ERGIC2: variants seen among roughly 807,000 people sequenced by gnomAD.
ERGIC2 encodes endoplasmic reticulum-Golgi intermediate compartment protein 2.
ERGIC2 carries 31 observed loss-of-function variants against 52.5 expected under a neutral mutation model. The ratio of observed to expected loss-of-function variants is 0.59; its 90% CI spans 0.44 to 0.80. The LOEUF (loss-of-function observed/expected upper bound fraction) is 0.80. Among genes scored for constraint, ERGIC2 ranks in the 30% least tolerant of loss-of-function variants. The pLI is 0.00. For synonymous variants in ERGIC2, 129 were observed against 140.6 expected (o/e 0.92, Z 0.58); for missense variants, 395 against 455.2 (o/e 0.87, Z 1.20).
intron 12 of ERGIC2, 66 bp downstream of exon 12, chr12:29,343,054 G>C: frequency 7.3e-7 from 1 of 1,367,814 alleles, no homozygotes; most frequent in Non-Finnish European, 9.9e-7. Flanking sequence ...TTGCCCCTTT[G>C]AGAAGAAGCA....
intron 8 of ERGIC2, 77 bp downstream of exon 8, chr12:29,356,305 G>A (rs1807450981): frequency 7.0e-6 from 6 of 858,322 alleles, no homozygotes; most frequent in South Asian, 1.4e-5. Context: ...TTACAGGCGC[G>A]AGCCATCGGC....
chr12:29,365,173 C>A (rs1940342136), intron 5 of ERGIC2, among the ~76,000 whole-genome samples: 1 of 152,048 alleles, frequency 6.6e-6, no homozygotes, highest in Non-Finnish European at 1.5e-5. Flanking sequence ...TATTGCAGCA[C>A]CATTCACAAT....
intron 3 of ERGIC2, among the ~76,000 whole-genome samples, chr12:29,369,465 C>G (rs7308372): frequency 0.14 from 21,719 of 151,782 alleles, 1,595 homozygotes; most frequent in Middle Eastern, 0.24. Flanking sequence ...GCTGTCTGTA[C>G]TTTACAAAAA....
chr12:29,366,231 A>C (rs7953619), intron 5 of ERGIC2, among the ~76,000 whole-genome samples: 65,220 of 151,788 alleles, frequency 0.43, 17,416 homozygotes, highest in African/African-American at 0.76. Context: ...TCGAAAGCTT[A>C]TTTAGGGCTA....
At chr12:29,350,434 C>T (rs143775713) in intron 8 of ERGIC2, among the ~76,000 whole-genome samples, 193 of 152,084 alleles carry the variant, frequency 1.3e-3, no homozygotes, top group Non-Finnish European at 2.5e-3. Flanking sequence ...AGGGAGATTA[C>T]ACTTTGTTTA....
At chr12:29,361,801 G>A (rs1433789136) in intron 5 of ERGIC2, 116 bp from the exon 6 acceptor site, 22 of 658,984 alleles carry the variant, frequency 3.3e-5, no homozygotes, top group Middle Eastern at 3.4e-4. Flanking sequence ...TTAAAAACAA[G>A]TATTCATGGT....
rs977348823 is a variant in ERGIC2 at position 29,350,029 on chromosome 12, T to G, written c.612A>C (p.Ala204=). The G allele has an allele frequency of 6.2e-7, 1 of 1,607,058 alleles. No homozygotes were observed. Among genetic ancestry groups the G allele is most frequent in the Non-Finnish European group, 8.5e-7 (1 of 1,174,692 alleles). ...PHPRGHAHLA[A]LVNHESYNFS... ...TCTGCTTACATTCATGGTTGACAAG[T>G]GCTGCCAAATGTGCATGACCACGAG... Residue 204 remains alanine (A), a synonymous_variant, in exon 9 of 14, where the codon GCA becomes GCC. Coordinates refer to ENST00000360150, the MANE Select transcript of ERGIC2 (RefSeq NM_016570.3).
At chr12:29,380,750 G>A (rs1204366882) in intron 1 of ERGIC2, 1 of 152,358 alleles carries the variant, frequency 6.6e-6, no homozygotes, top group Non-Finnish European at 1.5e-5. Flanking sequence ...ACTGGGACTC[G>A]ACCGATTGGG....
chr12:29,371,710 A>G, intron 1 of ERGIC2, 40 bp from the exon 2 acceptor site: 2 of 903,246 alleles, frequency 2.2e-6, no homozygotes, highest in Non-Finnish European at 1.7e-6. Context: ...GAATCCTTTA[A>G]AGAGATAAAA....
chr12:29,345,177 C>G (rs1940028368), intron 11 of ERGIC2, among the ~76,000 whole-genome samples: 1 of 152,266 alleles, frequency 6.6e-6, no homozygotes, highest in Non-Finnish European at 1.5e-5. Flanking sequence ...TTAAGGCCAT[C>G]ACAATTTAAC....
chr12:29,378,894 T>C (rs16934213), intron 1 of ERGIC2, among the ~76,000 whole-genome samples: 8,901 of 152,238 alleles, frequency 0.058, 826 homozygotes, highest in African/African-American at 0.2. Flanking sequence ...ACATAATGGC[T>C]ACCTCACAGT....
chr12:29,349,703 C>T (rs1441987176), intron 9 of ERGIC2, among the ~76,000 whole-genome samples: 1 of 151,968 alleles, frequency 6.6e-6, no homozygotes, highest in Non-Finnish European at 1.5e-5. Flanking sequence ...TTATACATGT[C>T]TATACATCCA....
intron 8 of ERGIC2, among the ~76,000 whole-genome samples, chr12:29,350,797 A>C (rs1455010609): frequency 6.6e-6 from 1 of 152,100 alleles, no homozygotes; most frequent in Non-Finnish European, 1.5e-5. Context: ...AATATATTCA[A>C]GTATGAGAAT....
intron 4 of ERGIC2, 115 bp from the exon 5 acceptor site, chr12:29,367,062 A>C (rs2136874302): frequency 2.0e-6 from 1 of 495,196 alleles, no homozygotes; most frequent in East Asian, 3.4e-5. Flanking sequence ...AAAAAAAAAA[A>C]ACCTCACCAA....
At position 29,341,775 on chromosome 12, in the gene ERGIC2, AAATT is replaced by A. The variant is rs1278647200; in HGVS notation, c.1026_1029del (p.Ile343AlafsTer29). 1.2e-6 allele frequency: 2 copies of A among 1,602,484 alleles called. No individual in the cohort carries two copies. Among genetic ancestry groups the A allele is most frequent in the Non-Finnish European group, 1.7e-6 (2 of 1,169,478 alleles). On this transcript the variant is annotated frameshift_variant, in exon 13 of 14. Coordinates refer to ENST00000360150, the MANE Select transcript of ERGIC2 (RefSeq NM_016570.3). LOFTEE classifies it high-confidence loss of function. Reference sequence around the variant, plus strand: ...TAGGATCCAAGTCTGAAACGACAGCAAATTATTTCAACTATAAATTTTCCAATTC... The same window carrying A: ...TAGGATCCAAGTCTGAAACGACAGCAATTTCAACTATAAATTTTCCAATTC...
intron 5 of ERGIC2, among the ~76,000 whole-genome samples, chr12:29,363,777 A>G (rs1447607889): frequency 6.6e-6 from 1 of 151,718 alleles, no homozygotes; most frequent in African/African-American, 2.4e-5. Context: ...AAATCCAGCT[A>G]GAAAGATAAG....
chr12:29,375,903 C>T (rs1940508249), intron 1 of ERGIC2, among the ~76,000 whole-genome samples: 1 of 152,172 alleles, frequency 6.6e-6, no homozygotes, highest in South Asian at 2.1e-4. Context: ...ATTTTGCATA[C>T]TTGCCAACCT....
Position 29,381,138 on chromosome 12 carries a change from C to T in ERGIC2, c.-61G>A, listed in dbSNP as rs1454582620. ...ACCTTGTGTTATGGTCCCAGCCTAC[C>T]GCCATGTTTCACAGAAGCCCGGGTC... On this transcript the variant is annotated 5_prime_UTR_variant, in exon 1 of 14. Coordinates refer to ENST00000360150, the MANE Select transcript of ERGIC2 (RefSeq NM_016570.3). The T allele has an allele frequency of 6.6e-6, 1 of 152,222 alleles. No homozygotes were observed. The highest frequency in any genetic ancestry group is 1.5e-5 in the Non-Finnish European group (1 of 68,056). The allele number at this position is 152,222 out of a possible 1,614,324, so 9.4% of individuals were successfully genotyped here.
At position 29,371,654 on chromosome 12, in the gene ERGIC2, T is replaced by A; in HGVS notation, c.-21A>T. ...CTCATCTTCAGGAAAACCTTCCTCT[T>A]CCTTCATATAGTCATGCTAAGGAAT... is the stretch of plus-strand genomic sequence containing the variant. On this transcript the variant is annotated 5_prime_UTR_variant, in exon 2 of 14. Transcript: ENST00000360150. The A allele has an allele frequency of 6.9e-7, 1 of 1,448,576 alleles. No individual in the cohort carries two copies. Among genetic ancestry groups the A allele is most frequent in the Non-Finnish European group, 9.7e-7 (1 of 1,029,688 alleles). 89.7% of individuals were successfully genotyped at this position (1,448,576 alleles called of 1,614,324 possible). A position where few individuals can be genotyped will look rare whatever the true frequency, so the allele number is the denominator to read the frequency against.
Sources: allele counts gnomAD v4.1 joint callset (sites outside exome capture counted in the v4.1 genomes callset), GRCh38; gene constraint gnomAD v4.1.1; transcripts MANE v1.5; gene names NCBI Gene and HGNC (gene_info 2026-07-23, HGNC 2026-07-21).